Variants in CNBD1 observed in about 807,000 individuals in gnomAD.
CNBD1 encodes cyclic nucleotide-binding domain-containing protein 1.
CNBD1 carries 71 observed loss-of-function variants against 54.4 expected under a neutral mutation model. The ratio of observed to expected loss-of-function variants is 1.30; its 90% CI spans 1.08 to 1.59. The LOEUF (loss-of-function observed/expected upper bound fraction) is 1.59, where lower values mean the gene tolerates loss of function less well. Ranked by LOEUF, CNBD1 falls within the 40% of genes most tolerant of loss-of-function variation. CNBD1 has a pLI of 0.00. For synonymous variants in CNBD1, 182 were observed against 170.7 expected (o/e 1.07, Z -0.51); for missense variants, 659 against 518.0 (o/e 1.27, Z -2.64).
At chr8:87,016,096 CAAAT>C (rs1809351054) in intron 4 of CNBD1, among the ~76,000 whole-genome samples, 2 of 148,904 alleles carry the variant, frequency 1.3e-5, no homozygotes, top group East Asian at 4.1e-4. Context: ...TAGCTCTAAT[CAAAT>C]AACTTAAAAA....
intron 1 of CNBD1, among the ~76,000 whole-genome samples, chr8:86,874,964 T>C (rs921332945): frequency 7.2e-6 from 1 of 138,134 alleles, no homozygotes; most frequent in Non-Finnish European, 1.5e-5. Context: ...AAATTCACAT[T>C]TATATTTGTT....
intron 3 of CNBD1, among the ~76,000 whole-genome samples, chr8:86,927,787 G>C (rs1365077430): frequency 6.6e-6 from 1 of 152,160 alleles, no homozygotes; most frequent in Non-Finnish European, 1.5e-5. Context: ...TTTTTAAGTA[G>C]GAAGGGGTTT....
At chr8:86,961,637 G>A (rs1807931454) in intron 4 of CNBD1, among the ~76,000 whole-genome samples, 2 of 152,210 alleles carry the variant, frequency 1.3e-5, no homozygotes, top group African/African-American at 4.8e-5. Flanking sequence ...CAACCTTAGA[G>A]TGTCAGATGT....
intron 4 of CNBD1, among the ~76,000 whole-genome samples, chr8:87,204,449 T>C (rs1481525726): frequency 1.3e-5 from 2 of 152,172 alleles, no homozygotes; most frequent in Non-Finnish European, 2.9e-5. Context: ...CTTTCAAGTC[T>C]TTTCTTGCTA....
intron 8 of CNBD1, among the ~76,000 whole-genome samples, chr8:87,323,949 T>G (rs1027761842): frequency 7.2e-6 from 1 of 138,804 alleles, no homozygotes; most frequent in South Asian, 2.2e-4. Context: ...TTGCCATAGA[T>G]AGCTCTTATT....
chr8:87,033,024 A>C (rs1355945399), intron 4 of CNBD1, among the ~76,000 whole-genome samples: 1 of 152,110 alleles, frequency 6.6e-6, no homozygotes, highest in South Asian at 2.1e-4. Flanking sequence ...GATTGACTCT[A>C]TCATAAACCC....
chr8:87,368,465 G>A (rs957977850), intron 10 of CNBD1, among the ~76,000 whole-genome samples: 3 of 151,800 alleles, frequency 2.0e-5, no homozygotes, highest in African/African-American at 7.3e-5. Context: ...GTGAGACCCT[G>A]TCTGTACAAA....
rs375712121 is a variant in CNBD1, at chr8:87,263,548, G to A, written c.772-21130G>A. On this transcript the variant is annotated intron_variant, in intron 6 of 10. Transcript: ENST00000518476. ...TTTCAGTAAAATTAGGTAAGTAATT[G>A]TTTTTTTCAAAGCGTTTACATTATA... Among the ~76,000 whole-genome samples, 6 of 149,394 alleles carry A rather than the reference G, an allele frequency of 4.0e-5. No individual in the cohort carries two copies. The East Asian group carries it at 1.2e-3, about 29-fold the overall frequency.
chr8:87,128,519 C>T (rs1812047115), intron 4 of CNBD1, among the ~76,000 whole-genome samples: 1 of 152,146 alleles, frequency 6.6e-6, no homozygotes, highest in African/African-American at 2.4e-5. Flanking sequence ...TTCACAGATC[C>T]CCTTTATCAA....
intron 4 of CNBD1, among the ~76,000 whole-genome samples, chr8:87,192,631 T>A (rs1367482049): frequency 3.3e-5 from 5 of 152,222 alleles, no homozygotes; most frequent in Admixed American, 1.3e-4. Context: ...TGTGTGATAG[T>A]AACATGAAAC....
intron 4 of CNBD1, among the ~76,000 whole-genome samples, chr8:86,981,556 A>G (rs1045723123): frequency 6.6e-6 from 1 of 152,176 alleles, no homozygotes; most frequent in Non-Finnish European, 1.5e-5. Flanking sequence ...CAATCAAGAG[A>G]CAGAGTTTTA....
intron 6 of CNBD1, among the ~76,000 whole-genome samples, 200 bp from the exon 7 acceptor site, chr8:87,284,478 C>A (rs886896101): frequency 1.3e-5 from 2 of 152,082 alleles, no homozygotes; most frequent in African/African-American, 2.4e-5. Context: ...TTATTTTCTT[C>A]ATGTCGGTGA....
At chr8:86,949,835 G>A (rs867487292) in intron 4 of CNBD1, among the ~76,000 whole-genome samples, 4 of 150,924 alleles carry the variant, frequency 2.7e-5, no homozygotes, top group Admixed American at 2.0e-4. Flanking sequence ...CATTCAGTAT[G>A]TACCAGCATG....
intron 4 of CNBD1, among the ~76,000 whole-genome samples, chr8:87,150,787 A>G (rs1228345063): frequency 1.3e-5 from 2 of 152,194 alleles, no homozygotes; most frequent in African/African-American, 2.4e-5. Context: ...CCAAACAGAG[A>G]CTAGCAGATA....
At chr8:87,185,337 T>C (rs1813451181) in intron 4 of CNBD1, among the ~76,000 whole-genome samples, 1 of 152,204 alleles carries the variant, frequency 6.6e-6, no homozygotes, top group Non-Finnish European at 1.5e-5. Context: ...CTCTGCAGTT[T>C]TATTAGTATT....
chr8:87,331,454 G>C (rs1809829474), intron 8 of CNBD1, among the ~76,000 whole-genome samples: 1 of 152,090 alleles, frequency 6.6e-6, no homozygotes, highest in African/African-American at 2.4e-5. Context: ...TCTTTATACA[G>C]TCCATCATTG....
At chr8:86,986,380 A>G (rs1808607847) in intron 4 of CNBD1, among the ~76,000 whole-genome samples, 1 of 151,912 alleles carries the variant, frequency 6.6e-6, no homozygotes, top group African/African-American at 2.4e-5. Flanking sequence ...TGCTTGTTGA[A>G]TTGTTTAAAT....
At chr8:87,213,271 A>G (rs1470661858) in intron 5 of CNBD1, among the ~76,000 whole-genome samples, 4 of 152,256 alleles carry the variant, frequency 2.6e-5, no homozygotes, top group African/African-American at 7.2e-5. Flanking sequence ...GCCACTTTGT[A>G]AAACACTTTG....
chr8:87,055,379 G>A (rs904138755), intron 4 of CNBD1, among the ~76,000 whole-genome samples: 1 of 152,122 alleles, frequency 6.6e-6, no homozygotes, highest in African/African-American at 2.4e-5. Flanking sequence ...TTCCTAGGTA[G>A]GCACAAAGCA....
Sources: allele counts gnomAD v4.1 joint callset (sites outside exome capture counted in the v4.1 genomes callset), GRCh38; gene constraint gnomAD v4.1.1; transcripts MANE v1.5; gene names NCBI Gene and HGNC (gene_info 2026-07-23, HGNC 2026-07-21).